Variants in DMXL1 observed in about 807,000 individuals in gnomAD.
DMXL1 encodes the protein dmX-like protein 1.
DMXL1 carries 99 observed loss-of-function variants against 319.2 expected under a neutral mutation model. The observed-to-expected ratio is 0.31, with a 90% CI of 0.26 to 0.37. The LOEUF is 0.37. Among genes scored for constraint, DMXL1 ranks in the 10% least tolerant of loss-of-function variants. The pLI is 1.00. For synonymous variants in DMXL1, 1,385 were observed against 1,235.2 expected (o/e 1.12, Z -2.54); for missense variants, 3,745 against 3,595.6 (o/e 1.04, Z -1.06).
Position 119,189,587 on chromosome 5 carries a change from A to G in DMXL1, c.7136-121A>G, listed in dbSNP as rs560586749. The G allele has an allele frequency of 3.5e-5, 31 of 882,846 alleles. No individual in the cohort carries two copies. The East Asian group carries it at 7.2e-4, about 20-fold the overall frequency. The allele number at this position is 882,846 out of a possible 1,614,324, so 54.7% of individuals were successfully genotyped here. ...TTCTTACCTGCTGTGTACTTTCATAATCTCAATCTTATTTTTTTGTGTGTG... is the reference window on the plus strand; with the variant it reads ...TTCTTACCTGCTGTGTACTTTCATAGTCTCAATCTTATTTTTTTGTGTGTG... On this transcript the variant is annotated intron_variant, in intron 28 of 43. Coordinates refer to ENST00000539542, the MANE Select transcript of DMXL1 (RefSeq NM_001290321.3).
chr5:119,092,610 C>G (rs1011313778), intron 1 of DMXL1, among the ~76,000 whole-genome samples: 3 of 152,028 alleles, frequency 2.0e-5, no homozygotes, highest in South Asian at 2.1e-4. Flanking sequence ...TTTTCCTCAC[C>G]CCCAAGAGAA....
intron 8 of DMXL1, among the ~76,000 whole-genome samples, chr5:119,120,218 T>C (rs1021316358): frequency 1.7e-4 from 26 of 152,352 alleles, no homozygotes; most frequent in African/African-American, 6.3e-4. Context: ...GAAGTGATTT[T>C]GAAACAATTT....
At chr5:119,203,180 GTTGGCCA>G in intron 32 of DMXL1, 132 bp from the exon 33 acceptor site, 1 of 521,280 alleles carries the variant, frequency 1.9e-6, no homozygotes, top group Non-Finnish European at 3.5e-6. Flanking sequence ...TAAGGAAAAG[GTTGGCCA>G]TATGATCTGC....
At chr5:119,121,183 T>C (rs752663003) in intron 9 of DMXL1, 44 bp downstream of exon 9, 4 of 1,488,024 alleles carry the variant, frequency 2.7e-6, no homozygotes, top group Non-Finnish European at 3.6e-6. Flanking sequence ...ATTGAATAGA[T>C]TGATTTTATA....
chr5:119,125,596 A>C (rs968316744), intron 9 of DMXL1, among the ~76,000 whole-genome samples: 2 of 152,016 alleles, frequency 1.3e-5, no homozygotes, highest in Non-Finnish European at 2.9e-5. Context: ...ATGAAGTCTC[A>C]CTCTGTTGCC....
In DMXL1 at chr5:119,149,113, A is replaced by G. The variant is rs757879557; in HGVS notation, c.3286A>G (p.Thr1096Ala). 2 of 1,613,976 alleles carry G rather than the reference A, an allele frequency of 1.2e-6. No homozygotes were observed. Among genetic ancestry groups the G allele is most frequent in the East Asian group, 2.2e-5 (1 of 44,870 alleles). Residue 1096 changes from threonine (T) to alanine (A), a missense_variant, in exon 18 of 44, where the codon ACA becomes GCA. By Grantham distance (58) the Thr-to-Ala change is moderately conservative (BLOSUM62 0). This residue lies in a region of DMXL1 where 2,096 missense variants were observed against 1,985.4 expected (regional missense o/e 1.06). Coordinates refer to ENST00000539542, the MANE Select transcript of DMXL1 (RefSeq NM_001290321.3). ...TGGSCWVLEQ[T>A]IHLDELSTVL... ...AGGTTCATGTTGGGTCCTTGAGCAG[A>G]CAATTCATTTAGATGAGTTAAGCAC...
Position 119,240,536 on chromosome 5 carries a change from T to TA in DMXL1, c.8704+67dup, listed in dbSNP as rs1263226538. ...AAATTCATAAGCTAAATATTATTTA[T>TA]AAGTGGATTTGTTACTGATGACACA... On this transcript the variant is annotated intron_variant, in intron 42 of 43. Transcript: ENST00000539542. 2.6e-5 allele frequency: 30 copies of TA among 1,154,264 alleles called. No individual in the cohort carries two copies. The East Asian group carries it at 5.6e-4, about 22-fold the overall frequency. 71.5% of individuals were successfully genotyped at this position (1,154,264 alleles called of 1,614,324 possible). A position where few individuals can be genotyped will look rare whatever the true frequency, so the allele number is the denominator to read the frequency against.
chr5:119,167,075 A>G (rs1773581353), intron 22 of DMXL1, among the ~76,000 whole-genome samples: 1 of 152,156 alleles, frequency 6.6e-6, no homozygotes, highest in Non-Finnish European at 1.5e-5. Flanking sequence ...CAGTTTAAAC[A>G]TATTTGAACC....
rs551555876 is a variant in DMXL1, at chr5:119,176,349, T to A, written c.6759-1008T>A. Among the ~76,000 whole-genome samples the A allele has an allele frequency of 8.5e-5, 13 of 152,198 alleles. No individual in the cohort carries two copies. In the South Asian group the frequency reaches 2.5e-3, roughly 29 times the overall value. On this transcript the variant is annotated intron_variant, in intron 26 of 43. Coordinates refer to ENST00000539542, the MANE Select transcript of DMXL1 (RefSeq NM_001290321.3). ...TTAATTTTTGGTTGTCTGTCCAGTTTGTGTTTTTGAATTTTCTGTGGGTAG... is the reference window on the plus strand; with the variant it reads ...TTAATTTTTGGTTGTCTGTCCAGTTAGTGTTTTTGAATTTTCTGTGGGTAG...
Position 119,136,863 on chromosome 5 carries a change from C to T in DMXL1, c.2376+2474C>T, listed in dbSNP as rs150127533. ...TTCAGGCAGAGGTCTGCGGCAGGGGCGAAGCCCTCATGGAAAACTTCTACT... is the reference window on the plus strand; with the variant it reads ...TTCAGGCAGAGGTCTGCGGCAGGGGTGAAGCCCTCATGGAAAACTTCTACT... On this transcript the variant is annotated intron_variant, in intron 13 of 43. Transcript: ENST00000539542. Among the ~76,000 whole-genome samples, 869 of 152,328 alleles carry T rather than the reference C, an allele frequency of 5.7e-3. 9 individuals carry two copies. Among genetic ancestry groups the T allele is most frequent in the African/African-American group, 0.02 (815 of 41,572 alleles).
chr5:119,157,706 A>T (rs1771415507), intron 19 of DMXL1, among the ~76,000 whole-genome samples: 1 of 151,970 alleles, frequency 6.6e-6, no homozygotes, highest in Admixed American at 6.6e-5. Context: ...GTATCATGCT[A>T]TTTTGGTTAC....
At chr5:119,079,461 T>C (rs1399102959) in intron 1 of DMXL1, among the ~76,000 whole-genome samples, 1 of 152,256 alleles carries the variant, frequency 6.6e-6, no homozygotes, top group Non-Finnish European at 1.5e-5. Context: ...AATTCTCATC[T>C]TGAAAAACAG....
chr5:119,124,317 C>G (rs1222055922), intron 9 of DMXL1, among the ~76,000 whole-genome samples: 1 of 92,344 alleles, frequency 1.1e-5, no homozygotes, highest in Non-Finnish European at 2.3e-5. Flanking sequence ...GACTCCATCT[C>G]AAAAAAAAAA....
rs151098747 is a variant in DMXL1, at chr5:119,080,200, AG to A, written c.87+8545del. On this transcript the variant is annotated intron_variant, in intron 1 of 43. Coordinates refer to ENST00000539542, the MANE Select transcript of DMXL1 (RefSeq NM_001290321.3). ...GTTTCTACTAAAAATACAAAAAATT[AG>A]CCAGGTGTGGTGGTGGGTGCCTATG... Among the ~76,000 whole-genome samples, 811 of 152,216 alleles carry A rather than the reference AG, an allele frequency of 5.3e-3. 3 individuals carry two copies. The highest frequency in any genetic ancestry group is 0.019 in the African/African-American group (782 of 41,534).
intron 32 of DMXL1, among the ~76,000 whole-genome samples, chr5:119,202,887 A>ATATATATATATATATATATATATT (rs1554139456): frequency 6.3e-5 from 7 of 111,630 alleles, no homozygotes; most frequent in African/African-American, 2.5e-4. Context: ...ATATATTTTT[A>ATATATATATATATATATATATATT]TATATATATA....
At chr5:119,173,226 G>T (rs1367931925) in intron 25 of DMXL1, among the ~76,000 whole-genome samples, 1 of 151,988 alleles carries the variant, frequency 6.6e-6, no homozygotes, top group Non-Finnish European at 1.5e-5. Context: ...TATAATCTCA[G>T]GTGTTTGGGA....
intron 19 of DMXL1, among the ~76,000 whole-genome samples, chr5:119,160,900 C>G (rs758283383): frequency 9.2e-5 from 14 of 152,056 alleles, no homozygotes; most frequent in Non-Finnish European, 1.9e-4. Flanking sequence ...TAATTTTCCT[C>G]TATATATTCA....
intron 1 of DMXL1, among the ~76,000 whole-genome samples, chr5:119,072,700 T>A (rs1371325975): frequency 6.6e-6 from 1 of 152,226 alleles, no homozygotes; most frequent in Admixed American, 6.5e-5. Flanking sequence ...GCATTTAAAA[T>A]GGTGGAGGCA....
rs377135823 is a variant in DMXL1 at position 119,150,654 on chromosome 5, T to C, written c.4594+233T>C. 2.4e-4 allele frequency among the ~76,000 whole-genome samples: 36 copies of C among 151,886 alleles called. No homozygotes were observed. The East Asian group carries it at 5.8e-3, about 25-fold the overall frequency. On this transcript the variant is annotated intron_variant, in intron 18 of 43. Coordinates refer to ENST00000539542, the MANE Select transcript of DMXL1 (RefSeq NM_001290321.3). Reference sequence around the variant, plus strand: ...AAAACAAAAAAAAATTAGCCAGATATGGTGCCTCATGCCTATAGTCCTAGC... The same window carrying C: ...AAAACAAAAAAAAATTAGCCAGATACGGTGCCTCATGCCTATAGTCCTAGC...
Sources: allele counts gnomAD v4.1 joint callset (sites outside exome capture counted in the v4.1 genomes callset), GRCh38; gene constraint gnomAD v4.1.1; regional missense constraint gnomAD v4.1.1; transcripts MANE v1.5; gene names NCBI Gene and HGNC (gene_info 2026-07-23, HGNC 2026-07-21).